PRPF6: variants seen among roughly 807,000 people sequenced by gnomAD.
PRPF6 encodes the protein pre-mRNA-processing factor 6.
A neutral mutation model predicts 118.3 loss-of-function variants in PRPF6; 42 were observed. That is an observed-to-expected ratio of 0.35 (90% CI 0.28 to 0.46). PRPF6 has a LOEUF of 0.46. Ranked by LOEUF, PRPF6 falls within the 20% of genes least tolerant of loss-of-function variation. The pLI is 1.00. For synonymous variants in PRPF6, 481 were observed against 485.1 expected (o/e 0.99, Z 0.11); for missense variants, 662 against 1,255.7 (o/e 0.53, Z 7.15).
rs2059289300 is a variant in PRPF6, at chr20:64,026,124, T to C, written c.2028+66T>C. 6.3e-7 allele frequency: 1 copy of C among 1,591,526 alleles called. No homozygotes were observed. Among genetic ancestry groups the C allele is most frequent in the Non-Finnish European group, 8.5e-7 (1 of 1,176,968 alleles). On this transcript the variant is annotated intron_variant, in intron 15 of 20. Coordinates refer to ENST00000266079, the MANE Select transcript of PRPF6 (RefSeq NM_012469.4). The surrounding 1 kb of genome is among the most constrained non-coding windows in gnomAD (Gnocchi z 4.4). ...GGTGTGCACATGCGGGCCCCACGCC[T>C]GGCTTGGGTGGTGATGGGAGTGAGA...
chr20:63,984,988 C>T lies in PRPF6; in HGVS notation c.322C>T (p.Leu108=), dbSNP rs776318081. The T allele has an allele frequency of 2.5e-6, 4 of 1,613,212 alleles. No homozygotes were observed. The African/African-American group carries it at 4.0e-5, about 16-fold the overall frequency. ...GGAAGCAGATGCTATCTATGCAGCC[C>T]TGGATAAAAGGATGGATGAAAGAAG... ...DEEADAIYAA[L]DKRMDERRKE... The change falls in exon 3 of 21, where the codon CTG becomes TTG. Residue 108 remains leucine, a synonymous_variant. Transcript: ENST00000266079.
chr20:63,997,867 G>A (rs996143369), intron 6 of PRPF6, among the ~76,000 whole-genome samples: 5 of 151,930 alleles, frequency 3.3e-5, no homozygotes, highest in Admixed American at 1.3e-4. Flanking sequence ...GAGCCCCGGC[G>A]CCCCGGCCAG....
At chr20:64,002,713 G>A (rs1188937337) in intron 9 of PRPF6, among the ~76,000 whole-genome samples, 1 of 146,738 alleles carries the variant, frequency 6.8e-6, no homozygotes, top group Admixed American at 7.0e-5. Context: ...GCACCATCTT[G>A]GCTCACTGCA....
chr20:64,028,371 C>A lies in PRPF6; in HGVS notation c.2340-107C>A. The A allele has an allele frequency of 8.7e-7, 1 of 1,144,204 alleles. No homozygotes were observed. Among genetic ancestry groups the A allele is most frequent in the Non-Finnish European group, 1.3e-6 (1 of 762,140 alleles). 70.9% of individuals were successfully genotyped at this position (1,144,204 alleles called of 1,614,324 possible). ...TGCTGTGGAGGGAATGGAGTTTTTG[C>A]TGCTGTGACTGGGTGGAGAGCCCTT... On this transcript the variant is annotated intron_variant, in intron 17 of 20. Transcript: ENST00000266079. The surrounding 1 kb of genome is among the most constrained non-coding windows in gnomAD (Gnocchi z 6.5).
rs777400537 is a variant in PRPF6 at position 64,032,876 on chromosome 20, T to C, written c.2709T>C (p.Ser903=). ...QQEEVRKRCE[S]AEPRHGELWC... is the part of the protein sequence containing the mutation. Reference sequence around the variant, plus strand: ...AGGAGGTGAGGAAGCGCTGTGAGAGTGCAGAGCCTCGGCATGGGGAGCTGT... The same window carrying C: ...AGGAGGTGAGGAAGCGCTGTGAGAGCGCAGAGCCTCGGCATGGGGAGCTGT... The change falls in exon 21 of 21, where the codon AGT becomes AGC. Residue 903 remains serine (S), a synonymous_variant. Transcript: ENST00000266079. 2 of 1,612,382 alleles carry C rather than the reference T, an allele frequency of 1.2e-6. No individual in the cohort carries two copies. Among genetic ancestry groups the C allele is most frequent in the South Asian group, 1.1e-5 (1 of 91,012 alleles).
At chr20:63,985,359 A>G (rs2059088649) in intron 3 of PRPF6, among the ~76,000 whole-genome samples, 1 of 152,042 alleles carries the variant, frequency 6.6e-6, no homozygotes, top group African/African-American at 2.4e-5. Flanking sequence ...AAAAAAAAAA[A>G]AAAGTTTTGT....
intron 3 of PRPF6, 100 bp from the exon 4 acceptor site, chr20:63,993,307 T>G: frequency 1.5e-6 from 1 of 669,124 alleles, no homozygotes; most frequent in Non-Finnish European, 2.7e-6. Flanking sequence ...CTACTAAGAG[T>G]ATGGAATTGT....
intron 13 of PRPF6, 27 bp from the exon 14 acceptor site, chr20:64,024,528 T>C: frequency 6.2e-7 from 1 of 1,613,138 alleles, no homozygotes; most frequent in Non-Finnish European, 8.5e-7. Flanking sequence ...GCCCTGCCTC[T>C]GGTGACCGTG....
chr20:64,012,888 A>G (rs1334974753), intron 11 of PRPF6, among the ~76,000 whole-genome samples: 2 of 150,984 alleles, frequency 1.3e-5, no homozygotes, highest in Non-Finnish European at 2.9e-5. Context: ...GCTAGTAGAA[A>G]TGATACACCT....
At chr20:64,004,557 G>A (rs2059181459) in intron 9 of PRPF6, among the ~76,000 whole-genome samples, 2 of 152,202 alleles carry the variant, frequency 1.3e-5, no homozygotes, top group Non-Finnish European at 1.5e-5. Context: ...GCTCTGGGTC[G>A]CTGTTGGGCT....
chr20:64,003,660 A>T (rs1190297641), intron 9 of PRPF6, among the ~76,000 whole-genome samples: 1 of 151,044 alleles, frequency 6.6e-6, no homozygotes, highest in Admixed American at 6.6e-5. Flanking sequence ...CAGTGGCACG[A>T]CCTCGGCTCT....
At position 64,028,667 on chromosome 20, in the gene PRPF6, C is replaced by A; in HGVS notation, c.2431+98C>A. ...GGGTGCTTCCTGGCTTCCCAGACTC[C>A]GCAGGGCTGGCACTTCCTGAGGGAG... On this transcript the variant is annotated intron_variant, in intron 18 of 20. Transcript: ENST00000266079. The surrounding 1 kb of genome is among the most constrained non-coding windows in gnomAD (Gnocchi z 6.5). 2 of 1,355,812 alleles carry A rather than the reference C, an allele frequency of 1.5e-6. No homozygotes were observed. Among genetic ancestry groups the A allele is most frequent in the East Asian group, 2.4e-5 (1 of 41,158 alleles). 84.0% of individuals were successfully genotyped at this position (1,355,812 alleles called of 1,614,324 possible). A position where few individuals can be genotyped will look rare whatever the true frequency, so the allele number is the denominator to read the frequency against.
At chr20:64,032,526 C>A (rs2059319692) in intron 20 of PRPF6, among the ~76,000 whole-genome samples, 1 of 152,198 alleles carries the variant, frequency 6.6e-6, no homozygotes, top group African/African-American at 2.4e-5. Context: ...GTGTTGCCAG[C>A]CCACGTGAAC....
chr20:64,001,086 G>A lies in PRPF6; in HGVS notation c.1033G>A (p.Val345Ile), dbSNP rs774120472. Residue 345 changes from valine to isoleucine, a missense_variant, in exon 9 of 21, where the codon GTC becomes ATC. Physicochemically the swap from Val to Ile is conservative, Grantham distance 29 (BLOSUM62 3). Transcript: ENST00000266079. ...ATCTCTTGCCTCACAGAGTGAAGAT[G>A]TCTGGCTGGAAGCAGCCAGGTTGCA... Reference protein sequence around the residue: ...GTEMCPKSEDVWLEAARLQPG... With the variant: ...GTEMCPKSEDIWLEAARLQPG... 8 of 1,614,118 alleles carry A rather than the reference G, an allele frequency of 5.0e-6. No homozygotes were observed. Among genetic ancestry groups the A allele is most frequent in the East Asian group, 2.2e-5 (1 of 44,890 alleles).
At chr20:64,009,616 T>C (rs953653906) in intron 9 of PRPF6, among the ~76,000 whole-genome samples, 1 of 152,004 alleles carries the variant, frequency 6.6e-6, no homozygotes, top group Non-Finnish European at 1.5e-5. Flanking sequence ...CCAGCTACCT[T>C]AGAGGCTGAG....
At chr20:63,990,744 A>G (rs908815596) in intron 3 of PRPF6, among the ~76,000 whole-genome samples, 2 of 151,238 alleles carry the variant, frequency 1.3e-5, no homozygotes, top group Non-Finnish European at 2.9e-5. Context: ...TCCAGGGTTC[A>G]AGTGATTCTC....
intron 2 of PRPF6, among the ~76,000 whole-genome samples, chr20:63,983,468 C>CTTTT (rs570846288): frequency 2.3e-5 from 3 of 129,052 alleles, no homozygotes; most frequent in African/African-American, 8.9e-5. Context: ...ATTGCCCAGT[C>CTTTT]TTTTTTTTTT....
chr20:64,003,540 C>T (rs1215853425), intron 9 of PRPF6, among the ~76,000 whole-genome samples: 2 of 152,172 alleles, frequency 1.3e-5, no homozygotes, highest in African/African-American at 2.4e-5. Flanking sequence ...TTTCCTCTGT[C>T]GAGGCTGGTT....
At position 64,024,711 on chromosome 20, in the gene PRPF6, G is replaced by A. The variant is rs750179346; in HGVS notation, c.1908+18G>A. 4.3e-6 allele frequency: 7 copies of A among 1,609,814 alleles called. No homozygotes were observed. In the African/African-American group the frequency reaches 6.7e-5, roughly 15 times the overall value. ...CCTTCCAGGTGGGTGAGGGTTGCCT[G>A]TGTGGTGAGGGGCCTGTGCACACAG... On this transcript the variant is annotated intron_variant, in intron 14 of 20. Coordinates refer to ENST00000266079, the MANE Select transcript of PRPF6 (RefSeq NM_012469.4).
Sources: allele counts gnomAD v4.1 joint callset (sites outside exome capture counted in the v4.1 genomes callset), GRCh38; gene constraint gnomAD v4.1.1; non-coding constraint Gnocchi (gnomAD v3.1); transcripts MANE v1.5; gene names NCBI Gene and HGNC (gene_info 2026-07-23, HGNC 2026-07-21).